The following RGP1 variants were observed in gnomAD, a reference collection of about 807,000 sequenced individuals.
RGP1 encodes RGP1 partner of RAB6A GEF complex.
In RGP1, 28 loss-of-function variants were observed where a neutral mutation model predicts 44.5. That is an observed-to-expected ratio of 0.63 (90% confidence interval 0.47 to 0.86). The LOEUF is 0.86. RGP1 is among the 40% of genes least tolerant of loss of function. RGP1 has a pLI of 0.00. For missense variants in RGP1, 417 were observed against 490.7 expected, an observed-to-expected ratio of 0.85 and a Z score of 1.42; for synonymous variants, 212 against 196.7, an observed-to-expected ratio of 1.08 and a Z score of -0.65.
At chr9:35,768,117 T>C in the RGP1 span, among the ~76,000 whole-genome samples, 3 of 148,662 alleles carry the variant, frequency 2.0e-5, no homozygotes, top group South Asian at 6.5e-4. Context: ...TTTTTTTTTT[T>C]CTTTAAGACA....
Position 35,752,951 on chromosome 9 carries a change from C to G in RGP1, c.*77C>G. The stretch of plus-strand genomic sequence containing the variant: ...TGGACTCTAATGGGACCCACTTTTT[C>G]CACCTGGGGTCCAATGTCGTGGACA... On this transcript the variant is annotated 3_prime_UTR_variant, in exon 9 of 9. Transcript: ENST00000378078. The G allele has an allele frequency of 6.5e-7, 1 of 1,541,892 alleles. No individual in the cohort carries two copies. Among genetic ancestry groups the G allele is most frequent in the Non-Finnish European group, 8.9e-7 (1 of 1,129,672 alleles).
At chr9:35,763,635 A>G in the RGP1 span, among the ~76,000 whole-genome samples, 12 of 152,214 alleles carry the variant, frequency 7.9e-5, no homozygotes, top group Non-Finnish European at 1.3e-4. Flanking sequence ...TAATCCCAGC[A>G]CTTTGAGAGG....
chr9:35,783,253 T>A, the RGP1 span, among the ~76,000 whole-genome samples: 976 of 152,334 alleles, frequency 6.4e-3, 16 homozygotes, highest in African/African-American at 0.022. Context: ...ATGTGATGGA[T>A]ACATGTATAG....
At chr9:35,772,412 G>A in the RGP1 span, 1 of 152,172 alleles carries the variant, frequency 6.6e-6, no homozygotes, top group African/African-American at 2.4e-5. Context: ...AACATCAAAT[G>A]TGACTGATGT....
At chr9:35,764,908 G>T in the RGP1 span, among the ~76,000 whole-genome samples, 2 of 151,802 alleles carry the variant, frequency 1.3e-5, no homozygotes, top group Non-Finnish European at 2.9e-5. Flanking sequence ...GGCAGATCAT[G>T]GGAGGTCAGG....
the RGP1 span, among the ~76,000 whole-genome samples, chr9:35,764,042 C>T: frequency 6.6e-6 from 1 of 151,630 alleles, no homozygotes; most frequent in African/African-American, 2.4e-5. Context: ...CGGCTTGAGG[C>T]TAGGAGGTTG....
the RGP1 span, among the ~76,000 whole-genome samples, chr9:35,765,479 A>C: frequency 3.3e-5 from 5 of 152,066 alleles, no homozygotes; most frequent in Admixed American, 2.0e-4. Context: ...CAACATGGTG[A>C]AACCCCATCT....
chr9:35,788,040 TG>T, the RGP1 span, among the ~76,000 whole-genome samples: 200 of 152,344 alleles, frequency 1.3e-3, no homozygotes, highest in African/African-American at 4.5e-3. Context: ...CAAATAGGTT[TG>T]TTATAAAACG....
At chr9:35,772,222 A>T in the RGP1 span, 1 of 152,348 alleles carries the variant, frequency 6.6e-6, no homozygotes, top group East Asian at 1.9e-4. Context: ...CAAGGAAATG[A>T]GTGTGGAAAG....
At chr9:35,770,509 G>A in the RGP1 span, among the ~76,000 whole-genome samples, 18 of 110,634 alleles carry the variant, frequency 1.6e-4, no homozygotes, top group Non-Finnish European at 2.4e-4. Context: ...GAGAGAGAGA[G>A]AGAGAGAGAG....
chr9:35,752,602 T>C, intron 8 of RGP1, 49 bp from the exon 9 acceptor site: 1 of 1,447,286 alleles, frequency 6.9e-7, no homozygotes, highest in African/African-American at 1.4e-5. Context: ...CATTGGCTTT[T>C]ACTCCTGCTA....
At chr9:35,769,519 A>G in the RGP1 span, among the ~76,000 whole-genome samples, 8 of 152,248 alleles carry the variant, frequency 5.3e-5, no homozygotes, top group Non-Finnish European at 1.2e-4. Context: ...CTTCAGAAAT[A>G]TTACTGAGAA....
downstream of RGP1, among the ~76,000 whole-genome samples, chr9:35,759,026 C>T (rs1165862756): frequency 6.6e-6 from 1 of 152,190 alleles, no homozygotes. Context: ...GTTATGCTTG[C>T]TTTCACCAAA....
In RGP1 at chr9:35,752,803, G is replaced by A. The variant is rs1331565817; in HGVS notation, c.1105G>A (p.Val369Met). The change falls in exon 9 of 9, where the codon GTG becomes ATG. Residue 369 changes from valine (V) to methionine (M), a missense_variant. Transcript: ENST00000378078. ...DTFSWDLPIK[V>M]LPTSPTLASY... is the part of the protein sequence containing the mutation. ...CTTCAGCTGGGACCTGCCCATCAAGGTGCTGCCTACTAGCCCCACCCTGGC... is the reference window on the plus strand; with the variant it reads ...CTTCAGCTGGGACCTGCCCATCAAGATGCTGCCTACTAGCCCCACCCTGGC... 6 of 1,613,822 alleles carry A rather than the reference G, an allele frequency of 3.7e-6. No homozygotes were observed. The highest frequency in any genetic ancestry group is 1.1e-5 in the South Asian group (1 of 91,046).
chr9:35,752,596 G>A, intron 8 of RGP1, 55 bp from the exon 9 acceptor site: 2 of 1,393,756 alleles, frequency 1.4e-6, no homozygotes, highest in Non-Finnish European at 2.0e-6. Flanking sequence ...TCCTGTCATT[G>A]GCTTTTACTC....
chr9:35,750,774 C>G, intron 4 of RGP1, 33 bp downstream of exon 4: 2 of 1,613,942 alleles, frequency 1.2e-6, no homozygotes, highest in Non-Finnish European at 1.7e-6. Flanking sequence ...GAATTGCCTT[C>G]TAAGTCTCCT....
chr9:35,749,497 C>T lies in RGP1; in HGVS notation c.-20+89C>T. 1.5e-6 allele frequency: 1 copy of T among 663,176 alleles called. No individual in the cohort carries two copies. The allele number at this position is 663,176 out of a possible 1,614,324, so 41.1% of individuals were successfully genotyped here. On this transcript the variant is annotated intron_variant, in intron 1 of 8. Coordinates refer to ENST00000378078, the MANE Select transcript of RGP1 (RefSeq NM_001080496.3). This position sits in a 1 kb window ranked among gnomAD's most constrained non-coding sequence, Gnocchi z 4.4. ...AGTTTGGGAACTCCGCGGGGGTGCCCAGGGAGAAGAACCCGTCGCACAGGG... is the reference window on the plus strand; with the variant it reads ...AGTTTGGGAACTCCGCGGGGGTGCCTAGGGAGAAGAACCCGTCGCACAGGG...
chr9:35,762,747 A>G (rs1827429934), downstream of RGP1, among the ~76,000 whole-genome samples: 1 of 152,078 alleles, frequency 6.6e-6, no homozygotes, highest in African/African-American at 2.4e-5. Flanking sequence ...TGGGGCTCTG[A>G]GCCCTTTTAC....
At chr9:35,777,132 T>C in the RGP1 span, among the ~76,000 whole-genome samples, 11 of 130,802 alleles carry the variant, frequency 8.4e-5, no homozygotes, top group East Asian at 9.1e-4. Context: ...TTTTTCTTTT[T>C]TTTTTTTTTT....
Sources: gnomAD v4.1 joint callset for allele counts (sites outside exome capture counted in the v4.1 genomes callset) on GRCh38, gnomAD v4.1.1 for gene constraint, Gnocchi (gnomAD v3.1) non-coding constraint, MANE v1.5 for transcripts, NCBI Gene and HGNC (gene_info 2026-07-23, HGNC 2026-07-21) for gene names.